CEP44: variants seen among roughly 807,000 people sequenced by gnomAD.
The protein encoded by CEP44 is centrosomal protein of 44 kDa.
A neutral mutation model predicts 46.7 loss-of-function variants in CEP44; 45 were observed. That is an observed-to-expected ratio of 0.96 (90% CI 0.76 to 1.24). The LOEUF is 1.24. Among genes scored for constraint, CEP44 ranks in the 50% most tolerant of loss-of-function variants. The pLI is 0.00. For missense variants in CEP44, 475 were observed against 459.7 expected (o/e 1.03, Z -0.30); for synonymous variants, 142 against 146.0 (o/e 0.97, Z 0.20).
chr4:174,284,982 T>C (rs1737411297), intron 1 of CEP44, among the ~76,000 whole-genome samples: 1 of 152,216 alleles, frequency 6.6e-6, no homozygotes, highest in Admixed American at 6.5e-5. Flanking sequence ...TAATGACCTC[T>C]AACAGCAATG....
chr4:174,309,421 C>T lies in CEP44; in HGVS notation c.679-429C>T, dbSNP rs1043693218. ...TACAGTTGGCACTTACAAAAACTAC[C>T]AGATGGCCATTGGACCTACTTCCTG... On this transcript the variant is annotated intron_variant, in intron 7 of 11. Coordinates refer to ENST00000503780, the MANE Select transcript of CEP44 (RefSeq NM_001040157.3). The surrounding 1 kb of genome is among the most constrained non-coding windows in gnomAD (Gnocchi z 5.3). Among the ~76,000 whole-genome samples, 4 of 152,018 alleles carry T rather than the reference C, an allele frequency of 2.6e-5. No homozygotes were observed. Among genetic ancestry groups the T allele is most frequent in the African/African-American group, 9.7e-5 (4 of 41,406 alleles).
At chr4:174,306,694 G>A (rs1158711729) in intron 6 of CEP44, among the ~76,000 whole-genome samples, 2 of 151,956 alleles carry the variant, frequency 1.3e-5, no homozygotes, top group Non-Finnish European at 2.9e-5. Flanking sequence ...ATTGCTGTAT[G>A]TTTAAAATAA....
chr4:174,320,392 A>G (rs1201163859), downstream of CEP44: 7 of 813,880 alleles, frequency 8.6e-6, no homozygotes, highest in Non-Finnish European at 1.0e-5. Context: ...TTCAGGAAGC[A>G]TAAAAATTAA....
rs560932160 is a variant in CEP44, at chr4:174,292,318, A to G, written c.-147-5648A>G. On this transcript the variant is annotated intron_variant, in intron 1 of 11. Transcript: ENST00000503780. ...TCTGTCTTTGAATTTTGACAAATTCATTATAGTGTCTATTGGTACAGACCT... is the reference window on the plus strand; with the variant it reads ...TCTGTCTTTGAATTTTGACAAATTCGTTATAGTGTCTATTGGTACAGACCT... Among the ~76,000 whole-genome samples, 32 of 152,234 alleles carry G rather than the reference A, an allele frequency of 2.1e-4. No individual in the cohort carries two copies. The South Asian group carries it at 5.6e-3, about 27-fold the overall frequency.
chr4:174,306,208 G>A (rs1181675441), intron 6 of CEP44, among the ~76,000 whole-genome samples: 11 of 152,094 alleles, frequency 7.2e-5, no homozygotes, highest in Non-Finnish European at 8.8e-5. Context: ...AATGCATACC[G>A]TGACCTAATG....
intron 1 of CEP44, chr4:174,285,536 G>A (rs1737486980): frequency 6.6e-6 from 1 of 152,134 alleles, no homozygotes; most frequent in South Asian, 2.1e-4. Context: ...TCATGTAAGA[G>A]ACACTGAAAT....
At position 174,286,963 on chromosome 4, in the gene CEP44, T is replaced by A. The variant is rs1238572908; in HGVS notation, c.-148+3020T>A. 2.0e-5 allele frequency among the ~76,000 whole-genome samples: 3 copies of A among 152,216 alleles called. No homozygotes were observed. Among genetic ancestry groups the A allele is most frequent in the African/African-American group, 7.2e-5 (3 of 41,464 alleles). ...CCATTTACTCTTTCTGTAAAAAGCA[T>A]AGATATTTTGAATTTCTTGCCTTTT... On this transcript the variant is annotated intron_variant, in intron 1 of 11. Coordinates refer to ENST00000503780, the MANE Select transcript of CEP44 (RefSeq NM_001040157.3). The surrounding 1 kb of genome is among the most constrained non-coding windows in gnomAD (Gnocchi z 5.2).
rs577921372 is a variant in CEP44 at position 174,314,520 on chromosome 4, A to G, written c.962-1646A>G. Among the ~76,000 whole-genome samples the G allele has an allele frequency of 6.6e-6, 1 of 152,054 alleles. No individual in the cohort carries two copies. Among genetic ancestry groups the G allele is most frequent in the East Asian group, 1.9e-4 (1 of 5,154 alleles). On this transcript the variant is annotated intron_variant, in intron 9 of 11. Coordinates refer to ENST00000503780, the MANE Select transcript of CEP44 (RefSeq NM_001040157.3). The surrounding 1 kb of genome is among the most constrained non-coding windows in gnomAD (Gnocchi z 4.1). ...TGCCAAATACCAGCTTTCTCCCACC[A>G]TGAGGCACACTCTTGAATAAGGTTA...
rs34888351 is a variant in CEP44, at chr4:174,290,036, T to A, written c.-148+6093T>A. On this transcript the variant is annotated intron_variant, in intron 1 of 11. Transcript: ENST00000503780. The surrounding 1 kb of genome is among the most constrained non-coding windows in gnomAD (Gnocchi z 4.3). ...ATGCTCAGCTAATTTTTGTATTTTT[T>A]GTAGAGATGGGGTTTCACCATGTTA... Among the ~76,000 whole-genome samples, 68,165 of 151,762 alleles carry A rather than the reference T, an allele frequency of 0.45. 16,115 individuals carry two copies. The highest frequency in any genetic ancestry group is 0.49 in the Non-Finnish European group (33,483 of 67,890).
intron 1 of CEP44, among the ~76,000 whole-genome samples, chr4:174,295,619 T>G (rs961271709): frequency 6.6e-6 from 1 of 151,880 alleles, no homozygotes; most frequent in Non-Finnish European, 1.5e-5. Context: ...CTTGGCACTT[T>G]GGGAGGCCAA....
rs186219678 is a variant in CEP44, at chr4:174,295,762, A to G, written c.-147-2204A>G. On this transcript the variant is annotated intron_variant, in intron 1 of 11. Transcript: ENST00000503780. ...GCACCTCGGGAGGCCGAGGCTCCATATATCCTCTTTAGTGAGATATCTGTT... is the reference window on the plus strand; with the variant it reads ...GCACCTCGGGAGGCCGAGGCTCCATGTATCCTCTTTAGTGAGATATCTGTT... Among the ~76,000 whole-genome samples the G allele has an allele frequency of 3.1e-4, 47 of 152,322 alleles. No individual in the cohort carries two copies. The East Asian group carries it at 8.3e-3, about 27-fold the overall frequency.
At chr4:174,302,893 G>A (rs141131487) in intron 4 of CEP44, among the ~76,000 whole-genome samples, 184 of 151,024 alleles carry the variant, frequency 1.2e-3, no homozygotes, top group African/African-American at 4.3e-3. Context: ...CAGTTCCCCT[G>A]CCTCAACCTC....
chr4:174,324,705 C>T (rs1446371676), downstream of CEP44, among the ~76,000 whole-genome samples: 1 of 152,120 alleles, frequency 6.6e-6, no homozygotes, highest in Non-Finnish European at 1.5e-5. Context: ...ATAAGGTACC[C>T]TAGCCAAACA....
chr4:174,316,428 C>G, intron 10 of CEP44, 102 bp from the exon 11 acceptor site: 1 of 1,353,978 alleles, frequency 7.4e-7, no homozygotes, highest in East Asian at 2.3e-5. Flanking sequence ...GTAAACAGTA[C>G]TTAATGCAAT....
At chr4:174,302,251 G>A (rs1739814705) in intron 4 of CEP44, 65 bp downstream of exon 4, 2 of 1,029,764 alleles carry the variant, frequency 1.9e-6, no homozygotes, top group South Asian at 2.9e-5. Context: ...TAATGATTTA[G>A]TCATAACTTC....
chr4:174,315,918 C>G (rs1741648494), intron 9 of CEP44, among the ~76,000 whole-genome samples: 1 of 151,376 alleles, frequency 6.6e-6, no homozygotes, highest in South Asian at 2.1e-4. Flanking sequence ...TATTAACTTA[C>G]CTGTTTATTC....
intron 1 of CEP44, among the ~76,000 whole-genome samples, chr4:174,285,121 T>A (rs1579050894): frequency 6.6e-6 from 1 of 152,378 alleles, no homozygotes; most frequent in East Asian, 1.9e-4. Flanking sequence ...TGAGAGCTTC[T>A]TTATTATTGA....
At position 174,299,220 on chromosome 4, in the gene CEP44, A is replaced by G. The variant is rs1365974282; in HGVS notation, c.89+10A>G. 2 of 1,590,426 alleles carry G rather than the reference A, an allele frequency of 1.3e-6. No individual in the cohort carries two copies. The highest frequency in any genetic ancestry group is 2.3e-5 in the South Asian group (2 of 87,938). The stretch of plus-strand genomic sequence containing the variant: ...AGGTGGACTGTGTAGGGTAAGCTAT[A>G]ATATCAAACTTAATTGTATTCTTCT... On this transcript the variant is annotated intron_variant, in intron 3 of 11. Coordinates refer to ENST00000503780, the MANE Select transcript of CEP44 (RefSeq NM_001040157.3).
Position 174,301,682 on chromosome 4 carries a change from CA to C in CEP44, c.90-353del. Among the ~76,000 whole-genome samples the C allele has an allele frequency of 6.6e-6, 1 of 152,216 alleles. No individual in the cohort carries two copies. The highest frequency in any genetic ancestry group is 1.9e-4 in the East Asian group (1 of 5,184). ...AAGGAGGTAATAGAACAAGTGTTTG[CA>C]AAACCATAAAGTGTACTTCAATTTT... On this transcript the variant is annotated intron_variant, in intron 3 of 11. Coordinates refer to ENST00000503780, the MANE Select transcript of CEP44 (RefSeq NM_001040157.3). The surrounding 1 kb of genome is among the most constrained non-coding windows in gnomAD (Gnocchi z 4.3).
Sources: allele counts gnomAD v4.1 joint callset (sites outside exome capture counted in the v4.1 genomes callset), GRCh38; gene constraint gnomAD v4.1.1; non-coding constraint Gnocchi (gnomAD v3.1); transcripts MANE v1.5; gene names NCBI Gene and HGNC (gene_info 2026-07-23, HGNC 2026-07-21).